The following CCDC146 variants were observed in gnomAD, a reference collection of about 807,000 sequenced individuals.
The protein encoded by CCDC146 is coiled-coil domain containing 146.
CCDC146 carries 92 observed loss-of-function variants against 119.3 expected under a neutral mutation model. The observed-to-expected ratio is 0.77, with a 90% CI of 0.65 to 0.92. The LOEUF (loss-of-function observed/expected upper bound fraction) is 0.92, where lower values mean the gene tolerates loss of function less well. Among genes scored for constraint, CCDC146 ranks in the 40% least tolerant of loss-of-function variants. The pLI is 0.00. For synonymous variants in CCDC146, 372 were observed against 371.8 expected, an observed-to-expected ratio of 1.00 and a Z score of -0.01; for missense variants, 1,000 against 1,103.0, an observed-to-expected ratio of 0.91 and a Z score of 1.32.
At chr7:77,235,867 C>G (rs897450470) in intron 2 of CCDC146, among the ~76,000 whole-genome samples, 4 of 152,042 alleles carry the variant, frequency 2.6e-5, no homozygotes, top group African/African-American at 9.7e-5. Context: ...GTCAGGAGTT[C>G]AAGACCAGCC....
chr7:77,225,844 G>T (rs897733931), intron 2 of CCDC146, among the ~76,000 whole-genome samples: 2 of 152,256 alleles, frequency 1.3e-5, no homozygotes, highest in African/African-American at 4.8e-5. Flanking sequence ...TCAGGAGGCT[G>T]AGGCAGGAGA....
At chr7:77,247,675 G>C (rs533765327) in intron 4 of CCDC146, among the ~76,000 whole-genome samples, 2 of 152,094 alleles carry the variant, frequency 1.3e-5, no homozygotes, top group African/African-American at 2.4e-5. Context: ...CAGACAAATG[G>C]CTAAGAATCA....
chr7:77,174,909 G>T (rs1348413774), intron 2 of CCDC146, among the ~76,000 whole-genome samples: 1 of 152,154 alleles, frequency 6.6e-6, no homozygotes, highest in Non-Finnish European at 1.5e-5. Context: ...CATAGTCTAG[G>T]TTTATATTCA....
chr7:77,176,594 C>T (rs1791503914), intron 2 of CCDC146, among the ~76,000 whole-genome samples: 1 of 152,112 alleles, frequency 6.6e-6, no homozygotes, highest in Non-Finnish European at 1.5e-5. Flanking sequence ...GTGTAGTAGA[C>T]ACGGTAGGTT....
At chr7:77,159,071 T>C (rs2539195) in intron 1 of CCDC146, among the ~76,000 whole-genome samples, 20,371 of 152,104 alleles carry the variant, frequency 0.13, 1,490 homozygotes, top group East Asian at 0.19. Flanking sequence ...TAAGTATACA[T>C]CCATGAAACC....
chr7:77,249,934 A>G (rs1249631562), intron 4 of CCDC146, among the ~76,000 whole-genome samples: 1 of 152,186 alleles, frequency 6.6e-6, no homozygotes, highest in Non-Finnish European at 1.5e-5. Flanking sequence ...AGCATTTAAT[A>G]TAATTCCATT....
At position 77,256,419 on chromosome 7, in the gene CCDC146, T is replaced by C. The variant is rs772510568; in HGVS notation, c.594T>C (p.Asn198=). 1.9e-6 allele frequency: 3 copies of C among 1,607,758 alleles called. No individual in the cohort carries two copies. Among genetic ancestry groups the C allele is most frequent in the Non-Finnish European group, 1.7e-6 (2 of 1,177,412 alleles). The part of the protein sequence containing the change: ...EIMQKKLEIK[N]LREDLASKQK... ...TGCAGAAGAAATTAGAAATTAAAAA[T>C]TTACGAGAAGATTTGGCATCTAAAC... is the stretch of plus-strand genomic sequence containing the variant. Residue 198 remains asparagine (N), a synonymous_variant, in exon 6 of 19, where the codon AAT becomes AAC. Transcript: ENST00000285871.
intron 2 of CCDC146, among the ~76,000 whole-genome samples, chr7:77,210,674 A>G (rs1792163827): frequency 6.6e-6 from 1 of 152,194 alleles, no homozygotes; most frequent in Admixed American, 6.5e-5. Context: ...TGCTATGAAG[A>G]ACTACCTGAG....
chr7:77,269,155 TTTTCC>T (rs1348189939), intron 9 of CCDC146, among the ~76,000 whole-genome samples: 1 of 152,178 alleles, frequency 6.6e-6, no homozygotes, highest in Non-Finnish European at 1.5e-5. Flanking sequence ...TTTTCTTTTA[TTTTCC>T]TTTCTTTTTT....
In CCDC146 at chr7:77,259,994, G is replaced by A. The variant is rs1165277207; in HGVS notation, c.759-15G>A. On this transcript the variant is annotated splice_polypyrimidine_tract_variant and intron_variant, in intron 7 of 18. Coordinates refer to ENST00000285871, the MANE Select transcript of CCDC146 (RefSeq NM_020879.3). ...TGTGTGTGTGTGTGTGTGTGTGTGTGTGTATCCCCTACAGAGAAATGGAAA... is the reference window on the plus strand; with the variant it reads ...TGTGTGTGTGTGTGTGTGTGTGTGTATGTATCCCCTACAGAGAAATGGAAA... 4.5e-5 allele frequency: 36 copies of A among 800,870 alleles called. No homozygotes were observed. The highest frequency in any genetic ancestry group is 6.5e-5 in the Non-Finnish European group (32 of 495,476). 49.6% of individuals were successfully genotyped at this position (800,870 alleles called of 1,614,324 possible). A position where few individuals can be genotyped will look rare whatever the true frequency, so the allele number is the denominator to read the frequency against.
intron 14 of CCDC146, chr7:77,282,175 T>C (rs1793775920): frequency 1.1e-5 from 2 of 184,648 alleles, no homozygotes; most frequent in Non-Finnish European, 2.3e-5. Context: ...CCCCTGCCTG[T>C]GTGCTTCTGG....
chr7:77,202,701 A>G (rs1170201372), intron 2 of CCDC146, among the ~76,000 whole-genome samples: 1 of 152,224 alleles, frequency 6.6e-6, no homozygotes, highest in African/African-American at 2.4e-5. Flanking sequence ...TAATGAGTGT[A>G]TAACTCATGG....
At chr7:77,150,063 C>T (rs1194303893) in intron 1 of CCDC146, among the ~76,000 whole-genome samples, 1 of 151,204 alleles carries the variant, frequency 6.6e-6, no homozygotes, top group Non-Finnish European at 1.5e-5. Flanking sequence ...GATTAAAGAT[C>T]TAACTATAAG....
At position 77,271,521 on chromosome 7, in the gene CCDC146, TATATATATATATATATA is replaced by T. The variant is rs1562856533; in HGVS notation, c.1174-2172_1174-2156del. ...CACACACACTAATAGGAGATATATATATATATATATATATATATATATATATATATATATATATATAT... is the reference window on the plus strand; with the variant it reads ...CACACACACTAATAGGAGATATATATTATATATATATATATATATATATAT... On this transcript the variant is annotated intron_variant, in intron 9 of 18. Coordinates refer to ENST00000285871, the MANE Select transcript of CCDC146 (RefSeq NM_020879.3). Among the ~76,000 whole-genome samples, 172 of 18,704 alleles carry T rather than the reference TATATATATATATATATA, an allele frequency of 9.2e-3. 3 individuals are homozygous for T. Among genetic ancestry groups the T allele is most frequent in the Non-Finnish European group, 0.015 (74 of 4,910 alleles). The allele number at this position is 18,704 out of a possible 152,430, so 12.3% of individuals were successfully genotyped here.
intron 2 of CCDC146, chr7:77,199,228 C>G: frequency 4.3e-6 from 7 of 1,613,808 alleles, no homozygotes; most frequent in Non-Finnish European, 5.1e-6. Flanking sequence ...TGAACATTTG[C>G]CATCCAAACT....
At chr7:77,168,805 CT>C (rs112173346) in intron 2 of CCDC146, among the ~76,000 whole-genome samples, 109 of 151,936 alleles carry the variant, frequency 7.2e-4, no homozygotes, top group African/African-American at 2.3e-3. Flanking sequence ...TTGCTTTATC[CT>C]TTTTTTTCTA....
chr7:77,254,320 G>A (rs1484727407), intron 4 of CCDC146, among the ~76,000 whole-genome samples, 186 bp from the exon 5 acceptor site: 1 of 152,184 alleles, frequency 6.6e-6, no homozygotes, highest in Non-Finnish European at 1.5e-5. Context: ...TTGGGTGGGA[G>A]TCCTGGGGAG....
intron 2 of CCDC146, among the ~76,000 whole-genome samples, chr7:77,176,180 T>C (rs1791496386): frequency 6.6e-6 from 1 of 151,052 alleles, no homozygotes; most frequent in African/African-American, 2.5e-5. Context: ...CACAACTAAA[T>C]CCATTATCCT....
chr7:77,292,301 A>T (rs1009905084), intron 17 of CCDC146, among the ~76,000 whole-genome samples: 2 of 132,662 alleles, frequency 1.5e-5, no homozygotes, highest in African/African-American at 2.9e-5. Context: ...CTTTATTTTA[A>T]TTTTTTTTTT....
Sources: gnomAD v4.1 joint callset for allele counts (sites outside exome capture counted in the v4.1 genomes callset) on GRCh38, gnomAD v4.1.1 for gene constraint, MANE v1.5 for transcripts, NCBI Gene and HGNC (gene_info 2026-07-23, HGNC 2026-07-21) for gene names.